CACNA1G: variants seen among roughly 807,000 people sequenced by gnomAD.
The protein encoded by CACNA1G is calcium voltage-gated channel subunit alpha1 G.
CACNA1G carries 67 observed loss-of-function variants against 219.4 expected under a neutral mutation model. The ratio of observed to expected loss-of-function variants is 0.31; its 90% CI spans 0.25 to 0.37. CACNA1G has a LOEUF of 0.37. CACNA1G is among the 10% of genes least tolerant of loss of function. The pLI, the probability that CACNA1G is intolerant of heterozygous loss-of-function variation, is 1.00. For missense variants in CACNA1G, 2,380 were observed against 3,231.4 expected, an observed-to-expected ratio of 0.74 and a Z score of 6.39; for synonymous variants, 1,296 against 1,345.3, an observed-to-expected ratio of 0.96 and a Z score of 0.80.
chr17:50,578,301 C>G lies in CACNA1G; in HGVS notation c.2038C>G (p.Leu680Val), dbSNP rs776492512. The G allele has an allele frequency of 6.2e-7, 1 of 1,613,086 alleles. No individual in the cohort carries two copies. Among genetic ancestry groups the G allele is most frequent in the South Asian group, 1.1e-5 (1 of 91,074 alleles). ...CCGGGCCGGGGCAGGGGAGGTGGAG[C>G]TCGCCGACCGTGAAATGCCTGACTC... ...CARAGAGEVE[L>V]ADREMPDSDS... Residue 680 changes from leucine to valine, a missense_variant, in exon 9 of 38, where the codon CTC becomes GTC. Coordinates refer to ENST00000359106, the MANE Select transcript of CACNA1G (RefSeq NM_018896.5). The surrounding 1 kb of genome is among the most constrained non-coding windows in gnomAD (Gnocchi z 4.5).
chr17:50,594,976 T>TC lies in CACNA1G; in HGVS notation c.2911-12dup. ...CTGTGACCAGCAGCCCTCCCCTGCC[T>TC]CCCCCTTTCCCTGTAGGAAATCAGC... On this transcript the variant is annotated splice_polypyrimidine_tract_variant and intron_variant, in intron 13 of 37. Coordinates refer to ENST00000359106, the MANE Select transcript of CACNA1G (RefSeq NM_018896.5). 1 of 1,549,820 alleles carries TC rather than the reference T, an allele frequency of 6.5e-7. No individual in the cohort carries two copies. The highest frequency in any genetic ancestry group is 8.7e-7 in the Non-Finnish European group (1 of 1,146,030).
At chr17:50,591,890 G>C (rs59545434) in intron 12 of CACNA1G, 37 bp downstream of exon 12, 1 of 1,612,822 alleles carries the variant, frequency 6.2e-7, no homozygotes, top group East Asian at 2.2e-5. Context: ...GACAGGGGCC[G>C]TCAGGTGCCC....
At position 50,605,878 on chromosome 17, in the gene CACNA1G, C is replaced by T. The variant is rs1489478269; in HGVS notation, c.4297-20C>T. 2 of 1,612,760 alleles carry T rather than the reference C, an allele frequency of 1.2e-6. No individual in the cohort carries two copies. The highest frequency in any genetic ancestry group is 2.7e-5 in the African/African-American group (2 of 74,932). On this transcript the variant is annotated intron_variant, in intron 22 of 37. Transcript: ENST00000359106. ...GTGGTCACAGCTCACTTTTCTCTGT[C>T]TCTGGGAATGTGTGTCCAGCTCTTC...
rs1396957653 is a variant in CACNA1G at position 50,626,070 on chromosome 17, C to A, written c.6453C>A (p.Asp2151Glu). Residue 2151 changes from aspartate (D) to glutamate (E), a missense_variant, in exon 38 of 38, where the codon GAC becomes GAA. Coordinates refer to ENST00000359106, the MANE Select transcript of CACNA1G (RefSeq NM_018896.5). This position sits in a 1 kb window ranked among gnomAD's most constrained non-coding sequence, Gnocchi z 4.3. ...LDVQGLGSRE[D>E]LLAEVSGPSP... Reference sequence around the variant, plus strand: ...TTCAGGGTCTGGGCAGCCGGGAAGACCTGCTGGCAGAGGTGAGTGGGCCCT... The same window carrying A: ...TTCAGGGTCTGGGCAGCCGGGAAGAACTGCTGGCAGAGGTGAGTGGGCCCT... 3.7e-6 allele frequency: 6 copies of A among 1,613,488 alleles called. No individual in the cohort carries two copies. The Admixed American group carries it at 1.0e-4, about 27-fold the overall frequency.
At position 50,561,229 on chromosome 17, in the gene CACNA1G, G is replaced by C. The variant is rs761001427; in HGVS notation, c.-231G>C. ...CCCGGGAAGCCCCAGGGGCGCAGGG[G>C]AAGCGGGACTCGCGCCGGGCGGGGT... is the stretch of plus-strand genomic sequence containing the variant. On this transcript the variant is annotated 5_prime_UTR_variant, in exon 1 of 38. Coordinates refer to ENST00000359106, the MANE Select transcript of CACNA1G (RefSeq NM_018896.5). 3 of 554,336 alleles carry C rather than the reference G, an allele frequency of 5.4e-6. No individual in the cohort carries two copies. The South Asian group carries it at 6.3e-5, about 12-fold the overall frequency. 34.3% of individuals were successfully genotyped at this position (554,336 alleles called of 1,614,324 possible). A position where few individuals can be genotyped will look rare whatever the true frequency, so the allele number is the denominator to read the frequency against.
chr17:50,604,408 T>C, intron 22 of CACNA1G, 127 bp downstream of exon 22: 1 of 1,228,122 alleles, frequency 8.1e-7, no homozygotes, highest in Admixed American at 2.2e-5. Context: ...GCAGGGACGC[T>C]TCCCTCCAGG....
Position 50,576,238 on chromosome 17 carries a change from C to T in CACNA1G, c.1836C>T (p.Ala612=). ...LKEKALVEVA[A]SSGPPTLTSL... is the part of the protein sequence containing the mutation. ...AGAAGGCACTAGTAGAGGTGGCTGC[C>T]AGCTCTGGGCCCCCAACCCTCACCA... The change falls in exon 8 of 38, where the codon GCC becomes GCT. Residue 612 remains alanine (A), a synonymous_variant. Coordinates refer to ENST00000359106, the MANE Select transcript of CACNA1G (RefSeq NM_018896.5). The T allele has an allele frequency of 6.2e-7, 1 of 1,600,674 alleles. No individual in the cohort carries two copies. Among genetic ancestry groups the T allele is most frequent in the Admixed American group, 1.7e-5 (1 of 58,542 alleles).
At chr17:50,574,851 A>G (rs1598138384) in intron 7 of CACNA1G, among the ~76,000 whole-genome samples, 1 of 151,928 alleles carries the variant, frequency 6.6e-6, no homozygotes, top group Non-Finnish European at 1.5e-5. Flanking sequence ...GGAGATGGGG[A>G]CTGGGGTAGT....
In CACNA1G at chr17:50,561,173, G is replaced by T; in HGVS notation, c.-287G>T. 1.8e-6 allele frequency: 1 copy of T among 558,214 alleles called. No homozygotes were observed. The highest frequency in any genetic ancestry group is 1.7e-5 in the South Asian group (1 of 59,038). The allele number at this position is 558,214 out of a possible 1,614,324, so 34.6% of individuals were successfully genotyped here. A position where few individuals can be genotyped will look rare whatever the true frequency, so the allele number is the denominator to read the frequency against. On this transcript the variant is annotated 5_prime_UTR_variant, in exon 1 of 38. Coordinates refer to ENST00000359106, the MANE Select transcript of CACNA1G (RefSeq NM_018896.5). The stretch of plus-strand genomic sequence containing the variant: ...AGCCTGGGCGCGAAGCGAAGAAGCC[G>T]GAACAAAGTGAGGGGGAGCCGGCCG...
At chr17:50,564,099 G>A (rs539000181) in intron 1 of CACNA1G, among the ~76,000 whole-genome samples, 141 of 148,592 alleles carry the variant, frequency 9.5e-4, no homozygotes, top group African/African-American at 3.2e-3. Flanking sequence ...AGGTTTCCTA[G>A]AGAGGAGATC....
At chr17:50,567,873 G>A (rs578221742) in intron 1 of CACNA1G, among the ~76,000 whole-genome samples, 7 of 152,218 alleles carry the variant, frequency 4.6e-5, no homozygotes, top group Admixed American at 1.3e-4. Flanking sequence ...AAGACCCAGG[G>A]TTTAGAAAGA....
intron 4 of CACNA1G, among the ~76,000 whole-genome samples, 179 bp downstream of exon 4, chr17:50,569,982 G>A (rs755075677): frequency 2.2e-4 from 33 of 152,236 alleles, no homozygotes; most frequent in Non-Finnish European, 4.3e-4. Flanking sequence ...TGGCACTATG[G>A]GAGTTACCTG....
At position 50,607,726 on chromosome 17, in the gene CACNA1G, C is replaced by G. The variant is rs2048242235; in HGVS notation, c.4513-101C>G. 4 of 930,412 alleles carry G rather than the reference C, an allele frequency of 4.3e-6. No individual in the cohort carries two copies. The South Asian group carries it at 5.5e-5, about 13-fold the overall frequency. 57.6% of individuals were successfully genotyped at this position (930,412 alleles called of 1,614,324 possible). ...TTCATTTCCATCGCCTGTCAGGCGG[C>G]TGTAGCTATTTGGGTTCGCAGGAAC... On this transcript the variant is annotated intron_variant, in intron 24 of 37. Transcript: ENST00000359106.
At chr17:50,623,577 C>T (rs1465258469) in intron 35 of CACNA1G, among the ~76,000 whole-genome samples, 9 of 151,522 alleles carry the variant, frequency 5.9e-5, no homozygotes, top group African/African-American at 1.9e-4. Flanking sequence ...TCTCCCTTCT[C>T]TGGATACCTC....
rs1555660975 is a variant in CACNA1G, at chr17:50,595,061, G to T, written c.2979G>T (p.Gly993=). 1 of 1,552,496 alleles carries T rather than the reference G, an allele frequency of 6.4e-7. No individual in the cohort carries two copies. Among genetic ancestry groups the T allele is most frequent in the Non-Finnish European group, 8.7e-7 (1 of 1,147,594 alleles). ...SCIQLPVDSQ[G]GDANKSESEP... ...TTCAGCTGCCTGTCGACTCCCAGGG[G>T]GTAGGTACGCGATCATGAGCCGGCA... is the stretch of plus-strand genomic sequence containing the variant. The change falls in exon 14 of 38, where the codon GGG becomes GGT. Residue 993 remains glycine (G), a splice_region_variant and synonymous_variant. Coordinates refer to ENST00000359106, the MANE Select transcript of CACNA1G (RefSeq NM_018896.5).
At chr17:50,564,506 C>A (rs559469261) in intron 1 of CACNA1G, among the ~76,000 whole-genome samples, 1 of 15,202 alleles carries the variant, frequency 6.6e-5, no homozygotes, top group South Asian at 1.9e-3. Flanking sequence ...TGCCAGGAGT[C>A]GGGGGAGGAG....
chr17:50,606,742 A>G (rs1477744544), intron 23 of CACNA1G, among the ~76,000 whole-genome samples, 158 bp from the exon 24 acceptor site: 1 of 152,110 alleles, frequency 6.6e-6, no homozygotes, highest in Non-Finnish European at 1.5e-5. Flanking sequence ...GAACCCTGAG[A>G]GGGAGGGCTC....
At chr17:50,576,447 T>C in intron 8 of CACNA1G, 121 bp downstream of exon 8, 1 of 974,788 alleles carries the variant, frequency 1.0e-6, no homozygotes, top group Non-Finnish European at 1.6e-6. Flanking sequence ...CTGCCTCTCA[T>C]GGCTTAGGCA....
chr17:50,611,433 A>T lies in CACNA1G; in HGVS notation c.4759+1498A>T, dbSNP rs545704389. Among the ~76,000 whole-genome samples the T allele has an allele frequency of 1.9e-4, 29 of 152,070 alleles. 1 individual carries two copies. In the South Asian group the frequency reaches 5.8e-3, roughly 31 times the overall value. ...TGTCATGATCTGTGGGGCCTCAGGG[A>T]CCCACCCAAGAGAGAACCCCTGAGC... On this transcript the variant is annotated intron_variant, in intron 26 of 37. Coordinates refer to ENST00000359106, the MANE Select transcript of CACNA1G (RefSeq NM_018896.5).
Sources: gnomAD v4.1 joint callset for allele counts (sites outside exome capture counted in the v4.1 genomes callset) on GRCh38, gnomAD v4.1.1 for gene constraint, Gnocchi (gnomAD v3.1) non-coding constraint, MANE v1.5 for transcripts, NCBI Gene and HGNC (gene_info 2026-07-23, HGNC 2026-07-21) for gene names.